Variants in SCNM1 observed in about 807,000 individuals in gnomAD.
The protein encoded by SCNM1 is sodium channel modifier 1.
Under a neutral mutation model 32.8 loss-of-function variants are expected in SCNM1, and 24 were observed. That is an observed-to-expected ratio of 0.73 (90% CI 0.53 to 1.03). The LOEUF is 1.03. Among genes scored for constraint, SCNM1 ranks in the 50% least tolerant of loss-of-function variants. The probability of loss-of-function intolerance (pLI) is 0.00; values close to 1 mark genes in which losing one functional copy is unlikely to be tolerated. For missense variants in SCNM1, 274 were observed against 282.3 expected (o/e 0.97, Z 0.21); for synonymous variants, 99 against 103.2 (o/e 0.96, Z 0.25).
Position 151,169,064 on chromosome 1 carries a change from A to C in SCNM1, c.672A>C (p.Pro224=). ...AGTTTGACTCTGATGAGGAGGAACCACCTGATCTCCCCTTGGACTGATACC... is the reference window on the plus strand; with the variant it reads ...AGTTTGACTCTGATGAGGAGGAACCCCCTGATCTCCCCTTGGACTGATACC... The part of the protein sequence containing the change: ...NVEFDSDEEE[P]PDLPLD Residue 224 remains proline, a synonymous_variant, in exon 7 of 7, where the codon CCA becomes CCC. Coordinates refer to ENST00000368905, the MANE Select transcript of SCNM1 (RefSeq NM_024041.4). The C allele has an allele frequency of 6.2e-7, 1 of 1,613,970 alleles. No homozygotes were observed. Among genetic ancestry groups the C allele is most frequent in the Non-Finnish European group, 8.5e-7 (1 of 1,179,988 alleles).
In SCNM1 at chr1:151,169,277, C is replaced by T. The variant is rs926696777; in HGVS notation, c.*192C>T. On this transcript the variant is annotated 3_prime_UTR_variant, in exon 7 of 7. Coordinates refer to ENST00000368905, the MANE Select transcript of SCNM1 (RefSeq NM_024041.4). ...TTTTTTTTTTTGAGGCAGAGTCTCG[C>T]TCTATCGCCCAGGCTGGAGTGCAGT... The T allele has an allele frequency of 1.5e-5, 8 of 535,492 alleles. No homozygotes were observed. The African/African-American group carries it at 1.6e-4, about 11-fold the overall frequency. The allele number at this position is 535,492 out of a possible 1,614,324, so 33.2% of individuals were successfully genotyped here. A position where few individuals can be genotyped will look rare whatever the true frequency, so the allele number is the denominator to read the frequency against.
At position 151,166,683 on chromosome 1, in the gene SCNM1, CT is replaced by C. The variant is rs1683719226; in HGVS notation, c.122+143del. The C allele has an allele frequency of 1.3e-5, 18 of 1,386,000 alleles. No individual in the cohort carries two copies. The South Asian group carries it at 2.5e-4, about 19-fold the overall frequency. The allele number at this position is 1,386,000 out of a possible 1,614,324, so 85.9% of individuals were successfully genotyped here. ...TCTAGGGCTCAAGTGATCCTGCCTC[CT>C]CAGCGTCGCGATTAGCTGGGTTTAC... On this transcript the variant is annotated intron_variant, in intron 2 of 6. Transcript: ENST00000368905.
chr1:151,166,472 A>G lies in SCNM1; in HGVS notation c.53A>G (p.Lys18Arg). ...DDWSQLNVLKKRRVGDLLASY... is the reference protein window; with the variant it reads ...DDWSQLNVLKRRRVGDLLASY... The stretch of plus-strand genomic sequence containing the variant: ...GATTTCTTCCCCTACTCCCTGCAGA[A>G]AAGAAGAGTCGGGGACCTCCTAGCC... The change falls in exon 2 of 7, where the codon AAA (lysine) becomes AGA (arginine). Residue 18 changes from lysine to arginine, a missense_variant and splice_region_variant. Physicochemically the swap from Lys to Arg is conservative, Grantham distance 26. Transcript: ENST00000368905. 1 of 1,613,984 alleles carries G rather than the reference A, an allele frequency of 6.2e-7. No individual in the cohort carries two copies. The highest frequency in any genetic ancestry group is 8.5e-7 in the Non-Finnish European group (1 of 1,180,002).
intron 4 of SCNM1, 30 bp downstream of exon 4, chr1:151,167,248 G>C (rs756799063): frequency 1.9e-6 from 3 of 1,614,114 alleles, no homozygotes; most frequent in Admixed American, 3.3e-5. Flanking sequence ...TGTGTTCTAG[G>C]CAAGACCCTG....
chr1:151,168,434 G>T (rs1229625501), intron 6 of SCNM1, 96 bp downstream of exon 6: 1 of 1,435,780 alleles, frequency 7.0e-7, no homozygotes, highest in Non-Finnish European at 9.1e-7. Flanking sequence ...TTGAGATGGA[G>T]TTTCACTCTT....
Position 151,169,199 on chromosome 1 carries a change from C to T in SCNM1, c.*114C>T. 1 of 1,149,500 alleles carries T rather than the reference C, an allele frequency of 8.7e-7. No individual in the cohort carries two copies. The highest frequency in any genetic ancestry group is 1.2e-6 in the Non-Finnish European group (1 of 800,790). The allele number at this position is 1,149,500 out of a possible 1,614,324, so 71.2% of individuals were successfully genotyped here. A position where few individuals can be genotyped will look rare whatever the true frequency, so the allele number is the denominator to read the frequency against. ...ATTTCAGATCTGTTCATTCTCATTCCAACTACTCCTTGCCTGCAAGGTACA... is the reference window on the plus strand; with the variant it reads ...ATTTCAGATCTGTTCATTCTCATTCTAACTACTCCTTGCCTGCAAGGTACA... On this transcript the variant is annotated 3_prime_UTR_variant, in exon 7 of 7. Transcript: ENST00000368905.
chr1:151,168,231 T>C lies in SCNM1; in HGVS notation c.486T>C (p.Pro162=). Residue 162 remains proline (P), a synonymous_variant, in exon 6 of 7, where the codon CCT becomes CCC. Transcript: ENST00000368905. Reference sequence around the variant, plus strand: ...AAAGTGGGAAGATCAGTAGGGAACCTGAACCTGCGGCTGGCCCACAGGCCG... The same window carrying C: ...AAAGTGGGAAGATCAGTAGGGAACCCGAACCTGCGGCTGGCCCACAGGCCG... ...KLQSGKISRE[P]EPAAGPQAEE... 2 of 1,614,192 alleles carry C rather than the reference T, an allele frequency of 1.2e-6. No homozygotes were observed. Among genetic ancestry groups the C allele is most frequent in the South Asian group, 1.1e-5 (1 of 91,088 alleles).
Position 151,169,115 on chromosome 1 carries a change from T to G in SCNM1, c.*30T>G. The G allele has an allele frequency of 6.2e-7, 1 of 1,613,070 alleles. No individual in the cohort carries two copies. Among genetic ancestry groups the G allele is most frequent in the Non-Finnish European group, 8.5e-7 (1 of 1,179,140 alleles). On this transcript the variant is annotated 3_prime_UTR_variant, in exon 7 of 7. Coordinates refer to ENST00000368905, the MANE Select transcript of SCNM1 (RefSeq NM_024041.4). ...CTTTTCCCATTCATTCACAAATAAA[T>G]TACAATGGGTGCTGAGAACTTAACT...
At chr1:151,167,778 G>A (rs1683775448) in intron 5 of SCNM1, 1 of 343,456 alleles carries the variant, frequency 2.9e-6, no homozygotes, top group African/African-American at 2.1e-5. Context: ...GTTGCAGTGA[G>A]CCACGGTCAC....
rs771818532 is a variant in SCNM1 at position 151,168,309 on chromosome 1, A to G, written c.564A>G (p.Arg188=). 8.7e-6 allele frequency: 14 copies of G among 1,612,174 alleles called. No individual in the cohort carries two copies. The Admixed American group carries it at 2.4e-4, about 27-fold the overall frequency. Reference sequence around the variant, plus strand: ...CACCCATGAGCCCCACAAGAAGACGAGCCCTGGACCATTATCTCACCCTTC... The same window carrying G: ...CACCCATGAGCCCCACAAGAAGACGGGCCCTGGACCATTATCTCACCCTTC... The part of the protein sequence containing the change: ...APAPMSPTRR[R]ALDHYLTLRS... Residue 188 remains arginine, a synonymous_variant, in exon 6 of 7, where the codon CGA becomes CGG. Coordinates refer to ENST00000368905, the MANE Select transcript of SCNM1 (RefSeq NM_024041.4).
rs1683755790 is a variant in SCNM1 at position 151,167,373 on chromosome 1, C to T, written c.357C>T (p.His119=). Residue 119 remains histidine, a synonymous_variant, in exon 5 of 7, where the codon CAC becomes CAT. Transcript: ENST00000368905. The part of the protein sequence containing the change: ...QTRLITQSAL[H]RAPHYNSCCR... The stretch of plus-strand genomic sequence containing the variant: ...GACTTATCACCCAGAGTGCTCTGCA[C>T]AGAGCTCCCCACTATAACAGTTGCT... 6 of 1,614,134 alleles carry T rather than the reference C, an allele frequency of 3.7e-6. No individual in the cohort carries two copies. The highest frequency in any genetic ancestry group is 5.1e-6 in the Non-Finnish European group (6 of 1,180,036).
rs1683857777 is a variant in SCNM1, at chr1:151,169,148, A to G, written c.*63A>G. On this transcript the variant is annotated 3_prime_UTR_variant, in exon 7 of 7. Transcript: ENST00000368905. ...GGTGCTGAGAACTTAACTTTCCTTA[A>G]GTCTGGTTCCTTGTTGGATCTCAGG... The G allele has an allele frequency of 6.3e-7, 1 of 1,592,632 alleles. No homozygotes were observed. The highest frequency in any genetic ancestry group is 8.6e-7 in the Non-Finnish European group (1 of 1,163,144).
rs773980766 is a variant in SCNM1, at chr1:151,168,307, C to T, written c.562C>T (p.Arg188Ter). The T allele has an allele frequency of 3.1e-6, 5 of 1,613,530 alleles. No homozygotes were observed. The highest frequency in any genetic ancestry group is 2.2e-5 in the East Asian group (1 of 44,858). The change falls in exon 6 of 7, where the codon CGA becomes TGA. Residue 188 changes from arginine (R) to a stop codon, truncating the protein, a stop_gained. Coordinates refer to ENST00000368905, the MANE Select transcript of SCNM1 (RefSeq NM_024041.4). LOFTEE classifies it high-confidence loss of function. ...APAPMSPTRR[R>*]ALDHYLTLRS... ...TGCACCCATGAGCCCCACAAGAAGA[C>T]GAGCCCTGGACCATTATCTCACCCT...
rs1215826798 is a variant in SCNM1, at chr1:151,170,275, A to C, written c.*1190A>C. 3 of 856,764 alleles carry C rather than the reference A, an allele frequency of 3.5e-6. No individual in the cohort carries two copies. The highest frequency in any genetic ancestry group is 5.5e-6 in the Non-Finnish European group (3 of 549,332). The allele number at this position is 856,764 out of a possible 1,614,324, so 53.1% of individuals were successfully genotyped here. ...AAAACAAGAAACCACACCACAAATA[A>C]AATTACGATACCTCTAAACAAGTAT... is the stretch of plus-strand genomic sequence containing the variant. On this transcript the variant is annotated 3_prime_UTR_variant, in exon 7 of 7. Transcript: ENST00000368905.
rs1316641957 is a variant in SCNM1, at chr1:151,167,613, C to CT, written c.398+201dup. 4.9e-6 allele frequency: 3 copies of CT among 615,114 alleles called. No individual in the cohort carries two copies. The Admixed American group carries it at 8.2e-5, about 17-fold the overall frequency. 38.1% of individuals were successfully genotyped at this position (615,114 alleles called of 1,614,324 possible). On this transcript the variant is annotated intron_variant, in intron 5 of 6. Coordinates refer to ENST00000368905, the MANE Select transcript of SCNM1 (RefSeq NM_024041.4). Reference sequence around the variant, plus strand: ...TTTGGAGGCTGAGGTGGGTGGATCACTTGAGGTCAGGAGTTCAAGACCAGC... The same window carrying CT: ...TTTGGAGGCTGAGGTGGGTGGATCACTTTGAGGTCAGGAGTTCAAGACCAGC...
chr1:151,166,912 C>T, intron 2 of SCNM1, 22 bp from the exon 3 acceptor site: 2 of 1,613,764 alleles, frequency 1.2e-6, no homozygotes, highest in Non-Finnish European at 1.7e-6. Flanking sequence ...GACCACTTAT[C>T]CTCTTCTCTA....
chr1:151,167,643 C>G, intron 5 of SCNM1: 1 of 500,500 alleles, frequency 2.0e-6, no homozygotes, highest in Non-Finnish European at 3.6e-6. Context: ...ACCAGCCTGG[C>G]CAACATGGTG....
Position 151,167,237 on chromosome 1 carries a change from G to A in SCNM1, c.309+19G>A, listed in dbSNP as rs760600714. ...AGCTGAGGTAATCAGAGAGTGGAGAGTGTGTTCTAGGCAAGACCCTGCTGC... is the reference window on the plus strand; with the variant it reads ...AGCTGAGGTAATCAGAGAGTGGAGAATGTGTTCTAGGCAAGACCCTGCTGC... On this transcript the variant is annotated intron_variant, in intron 4 of 6. Transcript: ENST00000368905. 1.5e-5 allele frequency: 25 copies of A among 1,614,078 alleles called. No individual in the cohort carries two copies. Among genetic ancestry groups the A allele is most frequent in the African/African-American group, 4.0e-5 (3 of 74,930 alleles).
At chr1:151,168,413 T>A in intron 6 of SCNM1, 75 bp downstream of exon 6, 1 of 315,648 alleles carries the variant, frequency 3.2e-6, no homozygotes, top group Non-Finnish European at 4.9e-6. Context: ...TTGTTTTTCC[T>A]TTTTTTTTTT....
Sources: gnomAD v4.1 joint callset for allele counts on GRCh38, gnomAD v4.1.1 for gene constraint, MANE v1.5 for transcripts, NCBI Gene and HGNC (gene_info 2026-07-23, HGNC 2026-07-21) for gene names.